The following ADORA1 variants were observed in gnomAD, a reference collection of about 807,000 sequenced individuals.
The protein encoded by ADORA1 is adenosine A1 receptor, also known as adenosine receptor A1.
Under a neutral mutation model 19.9 loss-of-function variants are expected in ADORA1, and 6 were observed. The ratio of observed to expected loss-of-function variants is 0.30; its 90% confidence interval spans 0.17 to 0.59. The LOEUF is 0.59. Among genes scored for constraint, ADORA1 ranks in the 20% least tolerant of loss-of-function variants. The probability of loss-of-function intolerance (pLI) is 0.87; values close to 1 mark genes in which losing one functional copy is unlikely to be tolerated. For synonymous variants in ADORA1, 194 were observed against 188.4 expected, an observed-to-expected ratio of 1.03 and a Z score of -0.24; for missense variants, 302 against 439.2, an observed-to-expected ratio of 0.69 and a Z score of 2.79.
chr1:203,136,717 A>G (rs1654522880), intron 3 of ADORA1, among the ~76,000 whole-genome samples: 1 of 151,706 alleles, frequency 6.6e-6, no homozygotes, highest in Non-Finnish European at 1.5e-5. Context: ...CCCACTCCAC[A>G]CTCACTCCAT....
At chr1:203,147,370 G>A (rs537746768) in intron 3 of ADORA1, among the ~76,000 whole-genome samples, 54 of 152,240 alleles carry the variant, frequency 3.5e-4, no homozygotes, top group African/African-American at 1.1e-3. Flanking sequence ...TGGTCACTCT[G>A]GTGAATCTGT....
chr1:203,154,740 T>TC (rs1432210273), intron 3 of ADORA1, among the ~76,000 whole-genome samples: 3 of 152,136 alleles, frequency 2.0e-5, no homozygotes, highest in Non-Finnish European at 4.4e-5. Context: ...AAATGCAGCC[T>TC]GCCGGGGTCA....
chr1:203,149,711 G>A (rs1234745466), intron 3 of ADORA1, among the ~76,000 whole-genome samples: 4 of 152,212 alleles, frequency 2.6e-5, no homozygotes, highest in Non-Finnish European at 5.9e-5. Context: ...GAGCTCTGCT[G>A]CCTGCCAGGG....
intron 3 of ADORA1, among the ~76,000 whole-genome samples, chr1:203,133,394 C>T (rs571634764): frequency 2.0e-5 from 3 of 152,300 alleles, no homozygotes; most frequent in South Asian, 2.1e-4. Flanking sequence ...GGATTACAGG[C>T]GTGAGCCACC....
chr1:203,130,617 C>A (rs1439808262), intron 3 of ADORA1, among the ~76,000 whole-genome samples: 1 of 152,228 alleles, frequency 6.6e-6, no homozygotes, highest in East Asian at 1.9e-4. Context: ...TAAAGCTGGT[C>A]TCAGTGCATT....
rs898990633 is a variant in ADORA1, at chr1:203,128,771, C to T, written c.-57-14C>T. 2.0e-6 allele frequency: 3 copies of T among 1,528,278 alleles called. No homozygotes were observed. The highest frequency in any genetic ancestry group is 1.9e-5 in the Admixed American group (1 of 52,440). The allele number at this position is 1,528,278 out of a possible 1,614,324, so 94.7% of individuals were successfully genotyped here. A position where few individuals can be genotyped will look rare whatever the true frequency, so the allele number is the denominator to read the frequency against. On this transcript the variant is annotated splice_polypyrimidine_tract_variant and intron_variant, in intron 2 of 3. Coordinates refer to ENST00000337894, the MANE Select transcript of ADORA1 (RefSeq NM_000674.3). This position sits in a 1 kb window ranked among gnomAD's most constrained non-coding sequence, Gnocchi z 5.9. ...AGACGGGTCTCCCCATCCCAGGCTT[C>T]CCTGACCACACAGGTGCTTGCCTCG...
At position 203,142,390 on chromosome 1, in the gene ADORA1, A is replaced by G. The variant is rs111687202; in HGVS notation, c.341+13208A>G. On this transcript the variant is annotated intron_variant, in intron 3 of 3. Transcript: ENST00000337894. The stretch of plus-strand genomic sequence containing the variant: ...TGGCACTTAGTAGGTGGCTTAATCA[A>G]TGTCTGTGGAGTGAAGAAATGAGGG... Among the ~76,000 whole-genome samples, 499 of 152,314 alleles carry G rather than the reference A, an allele frequency of 3.3e-3. 4 individuals are homozygous for G. The highest frequency in any genetic ancestry group is 0.012 in the African/African-American group (483 of 41,558).
intron 3 of ADORA1, among the ~76,000 whole-genome samples, chr1:203,161,221 G>A (rs1196052340): frequency 2.0e-5 from 3 of 152,210 alleles, no homozygotes; most frequent in Non-Finnish European, 4.4e-5. Context: ...TTGCTCCGGG[G>A]ACTCAGTCTT....
chr1:203,148,521 G>GCTGTCACAGTGTTTTGC (rs1481542895), intron 3 of ADORA1, among the ~76,000 whole-genome samples: 1 of 152,228 alleles, frequency 6.6e-6, no homozygotes, highest in African/African-American at 2.4e-5. Flanking sequence ...GTCCTCTAAT[G>GCTGTCACAGTGTTTTGC]CTGTCACAGT....
chr1:203,139,315 G>T (rs1654606607), intron 3 of ADORA1, among the ~76,000 whole-genome samples: 1 of 152,210 alleles, frequency 6.6e-6, no homozygotes, highest in African/African-American at 2.4e-5. Context: ...GCAACATGCG[G>T]CATCTGTGGG....
At chr1:203,164,222 C>T (rs751968803) in intron 3 of ADORA1, among the ~76,000 whole-genome samples, 3 of 152,196 alleles carry the variant, frequency 2.0e-5, no homozygotes, top group African/African-American at 4.8e-5. Flanking sequence ...AAGCTCTGGC[C>T]CTTGACTCAA....
chr1:203,136,528 C>T (rs1654512990), intron 3 of ADORA1, among the ~76,000 whole-genome samples: 1 of 152,230 alleles, frequency 6.6e-6, no homozygotes, highest in Non-Finnish European at 1.5e-5. Context: ...TGGGGATACA[C>T]AGATGGGCAG....
chr1:203,163,401 C>T lies in ADORA1; in HGVS notation c.342-1860C>T, dbSNP rs117899623. ...AGTGTCTGCACCAGGCCTGGCCATT[C>T]TGCTGAGGGTACAGAGGAGGGAATG... On this transcript the variant is annotated intron_variant, in intron 3 of 3. Coordinates refer to ENST00000337894, the MANE Select transcript of ADORA1 (RefSeq NM_000674.3). Among the ~76,000 whole-genome samples the T allele has an allele frequency of 1.9e-3, 297 of 152,320 alleles. 5 individuals are homozygous for T. In the East Asian group the frequency reaches 0.053, roughly 27 times the overall value.
intron 3 of ADORA1, among the ~76,000 whole-genome samples, chr1:203,164,659 G>A (rs531108664): frequency 6.6e-6 from 1 of 152,310 alleles, no homozygotes; most frequent in Non-Finnish European, 1.5e-5. Flanking sequence ...ACAAGGCCAA[G>A]GGAAGGGGGG....
rs1377299051 is a variant in ADORA1, at chr1:203,128,307, G to A, written c.-183G>A. On this transcript the variant is annotated 5_prime_UTR_variant, in exon 2 of 4. Transcript: ENST00000337894. The surrounding 1 kb of genome is among the most constrained non-coding windows in gnomAD (Gnocchi z 5.9). The stretch of plus-strand genomic sequence containing the variant: ...GGCTGGGAGCGCTGCGGCGGGAGCC[G>A]GAGGACTATGAGCTGCCGCGCGTTG... 1.6e-6 allele frequency: 2 copies of A among 1,280,222 alleles called. No homozygotes were observed. The highest frequency in any genetic ancestry group is 2.3e-5 in the Admixed American group (1 of 42,922). 79.3% of individuals were successfully genotyped at this position (1,280,222 alleles called of 1,614,324 possible). A position where few individuals can be genotyped will look rare whatever the true frequency, so the allele number is the denominator to read the frequency against.
In ADORA1 at chr1:203,128,344, G is replaced by A. The variant is rs1251936008; in HGVS notation, c.-146G>A. Reference sequence around the variant, plus strand: ...GCTGCCGCGCGTTGTCCAGAGCCCAGCCCAGCCCTACCGCGCGCGGCCCGG... The same window carrying A: ...GCTGCCGCGCGTTGTCCAGAGCCCAACCCAGCCCTACCGCGCGCGGCCCGG... On this transcript the variant is annotated 5_prime_UTR_variant, in exon 2 of 4. Transcript: ENST00000337894. This position sits in a 1 kb window ranked among gnomAD's most constrained non-coding sequence, Gnocchi z 5.9. 1.6e-6 allele frequency: 2 copies of A among 1,289,816 alleles called. No individual in the cohort carries two copies. The highest frequency in any genetic ancestry group is 2.0e-6 in the Non-Finnish European group (2 of 989,152). The allele number at this position is 1,289,816 out of a possible 1,614,324, so 79.9% of individuals were successfully genotyped here.
Position 203,128,646 on chromosome 1 carries a change from C to T in ADORA1, c.-57-139C>T. On this transcript the variant is annotated intron_variant, in intron 2 of 3. Coordinates refer to ENST00000337894, the MANE Select transcript of ADORA1 (RefSeq NM_000674.3). The surrounding 1 kb of genome is among the most constrained non-coding windows in gnomAD (Gnocchi z 5.9). ...GGACAAAGATTAGGCAGAGAAGGGT[C>T]CGGGTGCCCCTCCAGCCTGGGTAGG... The T allele has an allele frequency of 1.9e-6, 2 of 1,073,352 alleles. No individual in the cohort carries two copies. The highest frequency in any genetic ancestry group is 2.9e-5 in the Admixed American group (1 of 34,550). The allele number at this position is 1,073,352 out of a possible 1,614,324, so 66.5% of individuals were successfully genotyped here. A position where few individuals can be genotyped will look rare whatever the true frequency, so the allele number is the denominator to read the frequency against.
intron 3 of ADORA1, among the ~76,000 whole-genome samples, chr1:203,145,953 C>G (rs1654845422): frequency 6.6e-6 from 1 of 152,154 alleles, no homozygotes; most frequent in African/African-American, 2.4e-5. Context: ...TGTATAAAGC[C>G]CTGCACTCAG....
chr1:203,150,269 C>G (rs970407860), intron 3 of ADORA1, among the ~76,000 whole-genome samples: 5 of 152,232 alleles, frequency 3.3e-5, no homozygotes, highest in African/African-American at 9.6e-5. Flanking sequence ...CTCCACAAAG[C>G]CATCCCTGGA....
Sources: allele counts gnomAD v4.1 joint callset (sites outside exome capture counted in the v4.1 genomes callset), GRCh38; gene constraint gnomAD v4.1.1; non-coding constraint Gnocchi (gnomAD v3.1); transcripts MANE v1.5; gene names NCBI Gene and HGNC (gene_info 2026-07-23, HGNC 2026-07-21).